The following BICRA variants were observed in gnomAD, a reference collection of about 807,000 sequenced individuals.
The protein encoded by BICRA is BRD4-interacting chromatin-remodeling complex-associated protein.
A neutral mutation model predicts 96.9 loss-of-function variants in BICRA; 31 were observed. That is an observed-to-expected ratio of 0.32 (90% confidence interval 0.24 to 0.43). The LOEUF (loss-of-function observed/expected upper bound fraction) is 0.43. BICRA is among the 20% of genes least tolerant of loss of function. BICRA has a pLI of 1.00. For missense variants in BICRA, 2,283 were observed against 2,190.3 expected (o/e 1.04, Z -0.84); for synonymous variants, 1,350 against 1,071.8 (o/e 1.26, Z -5.07).
At chr19:47,622,396 T>C (rs1483072239) in intron 1 of BICRA, among the ~76,000 whole-genome samples, 1 of 147,890 alleles carries the variant, frequency 6.8e-6, no homozygotes, top group Non-Finnish European at 1.5e-5. Flanking sequence ...CACGCCTGAG[T>C]GTAACTTGGT....
intron 7 of BICRA, among the ~76,000 whole-genome samples, chr19:47,688,687 G>A (rs1386621740): frequency 6.6e-6 from 1 of 152,046 alleles, no homozygotes; most frequent in Admixed American, 6.6e-5. Flanking sequence ...TACTCAGGAG[G>A]CTGAGGCAGG....
At chr19:47,660,369 C>T (rs1325822721) in intron 1 of BICRA, among the ~76,000 whole-genome samples, 5 of 152,198 alleles carry the variant, frequency 3.3e-5, no homozygotes, top group African/African-American at 1.2e-4. Context: ...TAATCCAGGA[C>T]AGTCTCATCT....
chr19:47,634,756 A>ATTTT (rs57492096), intron 1 of BICRA, among the ~76,000 whole-genome samples: 13 of 120,282 alleles, frequency 1.1e-4, no homozygotes, highest in African/African-American at 3.7e-4. Flanking sequence ...TTAAAATTAA[A>ATTTT]TTTTTTTTTT....
At chr19:47,622,880 A>C (rs1446127026) in intron 1 of BICRA, among the ~76,000 whole-genome samples, 1 of 151,872 alleles carries the variant, frequency 6.6e-6, no homozygotes, top group Non-Finnish European at 1.5e-5. Context: ...TCTACTAAAA[A>C]TACAAAAATT....
intron 1 of BICRA, chr19:47,626,264 C>T (rs11673468): frequency 0.33 from 50,822 of 152,114 alleles, 8,829 homozygotes; most frequent in East Asian, 0.53. Flanking sequence ...GGGAGCACCC[C>T]GATTTTACAC....
chr19:47,677,855 C>T (rs1211299230), intron 5 of BICRA, among the ~76,000 whole-genome samples: 1 of 152,232 alleles, frequency 6.6e-6, no homozygotes, highest in Non-Finnish European at 1.5e-5. Context: ...TTTCGAATTT[C>T]TCCAATTCTG....
At chr19:47,637,971 A>G (rs1972325231) in intron 1 of BICRA, among the ~76,000 whole-genome samples, 1 of 152,104 alleles carries the variant, frequency 6.6e-6, no homozygotes, top group South Asian at 2.1e-4. Flanking sequence ...CCCTTTGGCT[A>G]TTACAGAAGC....
chr19:47,675,903 A>G lies in BICRA; in HGVS notation c.137A>G (p.Tyr46Cys), dbSNP rs765058558. 23 of 1,607,190 alleles carry G rather than the reference A, an allele frequency of 1.4e-5. No individual in the cohort carries two copies. The highest frequency in any genetic ancestry group is 2.7e-5 in the African/African-American group (2 of 74,806). ...DNPGEAQSAF[Y>C]EGPGLHVQEA... is the part of the protein sequence containing the mutation. ...CCCGGGGAGGCCCAAAGTGCCTTCT[A>G]TGAAGGTCCTGGGGTAAGTGCCGTG... The change falls in exon 5 of 15, where the codon TAT (tyrosine) becomes TGT (cysteine). Residue 46 changes from tyrosine to cysteine, a missense_variant. Transcript: ENST00000594866. The surrounding 1 kb of genome is among the most constrained non-coding windows in gnomAD (Gnocchi z 4.7).
chr19:47,646,106 G>T (rs912752203), intron 1 of BICRA, among the ~76,000 whole-genome samples: 4 of 151,916 alleles, frequency 2.6e-5, no homozygotes, highest in Non-Finnish European at 5.9e-5. Flanking sequence ...TCCAAAAAAA[G>T]AAAAACGTAG....
At chr19:47,679,187 C>A in intron 5 of BICRA, 134 bp from the exon 6 acceptor site, 1 of 549,534 alleles carries the variant, frequency 1.8e-6, no homozygotes, top group Non-Finnish European at 3.0e-6. Context: ...AAGCGTGAAC[C>A]ACCATGCCAG....
intron 1 of BICRA, among the ~76,000 whole-genome samples, chr19:47,667,428 C>T (rs1406017999): frequency 6.6e-6 from 1 of 152,174 alleles, no homozygotes; most frequent in Non-Finnish European, 1.5e-5. Context: ...TTTGCAGAAG[C>T]CTCACGGGAG....
chr19:47,700,619 C>T (rs1973425299), intron 14 of BICRA: 1 of 152,042 alleles, frequency 6.6e-6, no homozygotes, highest in Non-Finnish European at 1.5e-5. Context: ...CGTGGCGAAA[C>T]CCTGTCTCTA....
At chr19:47,695,342 T>TCCCACCCCCCCCC in intron 9 of BICRA, 23 bp from the exon 10 acceptor site, 1 of 630,200 alleles carries the variant, frequency 1.6e-6, no homozygotes, top group Non-Finnish European at 2.8e-6. Flanking sequence ...AGGCCCTGTC[T>TCCCACCCCCCCCC]CCCCCACCCC....
chr19:47,696,099 CTG>C (rs1225351019), intron 10 of BICRA, among the ~76,000 whole-genome samples: 1 of 152,064 alleles, frequency 6.6e-6, no homozygotes, highest in Admixed American at 6.5e-5. Context: ...GGGAGAGAGA[CTG>C]TGCGAGGCAG....
chr19:47,680,261 A>G lies in BICRA; in HGVS notation c.1091A>G (p.Tyr364Cys), dbSNP rs1027109017. 1 of 1,560,330 alleles carries G rather than the reference A, an allele frequency of 6.4e-7. No individual in the cohort carries two copies. The highest frequency in any genetic ancestry group is 8.6e-7 in the Non-Finnish European group (1 of 1,162,376). ...KPAGVLPPKLYQLTPKPFAPA... is the reference protein window; with the variant it reads ...KPAGVLPPKLCQLTPKPFAPA... Reference sequence around the variant, plus strand: ...GCGGGGGTGCTGCCGCCCAAGCTCTACCAGCTGACGCCCAAGCCGTTTGCG... The same window carrying G: ...GCGGGGGTGCTGCCGCCCAAGCTCTGCCAGCTGACGCCCAAGCCGTTTGCG... Residue 364 changes from tyrosine (Y) to cysteine (C), a missense_variant, in exon 6 of 15, where the codon TAC (tyrosine) becomes TGC (cysteine). Tyr to Cys is a radical substitution (Grantham distance 194, BLOSUM62 -2). Transcript: ENST00000594866.
At chr19:47,672,936 G>A (rs972345670) in intron 2 of BICRA, among the ~76,000 whole-genome samples, 2 of 152,024 alleles carry the variant, frequency 1.3e-5, no homozygotes, top group African/African-American at 4.8e-5. Context: ...CCTTGCTTCT[G>A]CCTCAGTTTC....
intron 6 of BICRA, among the ~76,000 whole-genome samples, 155 bp from the exon 7 acceptor site, chr19:47,681,821 G>A (rs1258930237): frequency 1.3e-5 from 2 of 152,104 alleles, no homozygotes; most frequent in Non-Finnish European, 2.9e-5. Flanking sequence ...GGCTGCCTGG[G>A]TTTCGGCCTC....
At chr19:47,685,780 T>TGCGCGCGCGCGC (rs1356497911) in intron 7 of BICRA, among the ~76,000 whole-genome samples, 5 of 131,194 alleles carry the variant, frequency 3.8e-5, no homozygotes, top group Admixed American at 1.6e-4. Flanking sequence ...TGTGTGTGTG[T>TGCGCGCGCGCGC]GTGTGTGCGC....
rs768456249 is a variant in BICRA, at chr19:47,680,752, C to A, written c.1582C>A (p.Pro528Thr). Residue 528 changes from proline (P) to threonine (T), a missense_variant, in exon 6 of 15, where the codon CCC becomes ACC. Transcript: ENST00000594866. ...CCTGGCGGGCCCACTGAGCCTGGGC[C>A]CCGTGTTGGCCCCCCACTCCGGGGC... ...QNLAGPLSLG[P>T]VLAPHSGAHS... The A allele has an allele frequency of 2.5e-6, 4 of 1,608,990 alleles. No individual in the cohort carries two copies. In the South Asian group the frequency reaches 4.4e-5, roughly 18 times the overall value.
Sources: gnomAD v4.1 joint callset for allele counts (sites outside exome capture counted in the v4.1 genomes callset) on GRCh38, gnomAD v4.1.1 for gene constraint, Gnocchi (gnomAD v3.1) non-coding constraint, MANE v1.5 for transcripts, NCBI Gene and HGNC (gene_info 2026-07-23, HGNC 2026-07-21) for gene names.